The following SOBP variants were observed in gnomAD, a reference collection of about 807,000 sequenced individuals.
SOBP encodes the protein sine oculis-binding protein homolog.
A neutral mutation model predicts 53.6 loss-of-function variants in SOBP; 4 were observed. That is an observed-to-expected ratio of 0.07 (90% CI 0.04 to 0.17). SOBP has a LOEUF of 0.17. SOBP is among the 10% of genes least tolerant of loss of function. The pLI is 1.00. For missense variants in SOBP, 1,088 were observed against 1,204.7 expected (o/e 0.90, Z 1.43); for synonymous variants, 584 against 522.6 (o/e 1.12, Z -1.60).
intron 4 of SOBP, among the ~76,000 whole-genome samples, chr6:107,559,149 C>T (rs1053789439): frequency 7.3e-5 from 11 of 151,624 alleles, no homozygotes; most frequent in Non-Finnish European, 1.5e-5. Flanking sequence ...AAATGAAGAA[C>T]ATTGAAAGGA....
intron 4 of SOBP, among the ~76,000 whole-genome samples, chr6:107,562,565 A>G (rs1306208316): frequency 2.0e-5 from 3 of 152,198 alleles, no homozygotes; most frequent in Admixed American, 1.3e-4. Flanking sequence ...GAGACTTTAA[A>G]TTCATGACCA....
chr6:107,490,791 G>C (rs984917251), intron 1 of SOBP, 79 bp downstream of exon 1: 1 of 1,083,924 alleles, frequency 9.2e-7, no homozygotes, highest in Non-Finnish European at 1.4e-6. Context: ...ATGGATCTGG[G>C]GGGTACCGGG....
Position 107,533,525 on chromosome 6 carries a change from C to G in SOBP, c.488C>G (p.Ser163Cys). Residue 163 changes from serine (S) to cysteine (C), a missense_variant, in exon 4 of 7, where the codon TCC becomes TGC. By Grantham distance (112) the Ser-to-Cys change is moderately radical. This residue lies in a region of SOBP where 55 missense variants were observed against 134.3 expected (regional missense o/e 0.41). Coordinates refer to ENST00000317357, the MANE Select transcript of SOBP (RefSeq NM_018013.4). ...WCQKVGIKRY[S>C]LSMGSEVKSF... ...CAGAAAGTGGGAATCAAGCGCTATT[C>G]CCTGAGTATGGGAAGTGAGGTGAAA... 6.2e-7 allele frequency: 1 copy of G among 1,614,016 alleles called. No individual in the cohort carries two copies.
intron 5 of SOBP, among the ~76,000 whole-genome samples, chr6:107,611,585 CTG>C (rs1312153039): frequency 6.6e-6 from 1 of 152,178 alleles, no homozygotes; most frequent in African/African-American, 2.4e-5. Flanking sequence ...GGAGGACCGG[CTG>C]TATGTGCTGT....
chr6:107,599,212 CTG>C (rs907215750), intron 5 of SOBP, among the ~76,000 whole-genome samples: 6 of 152,078 alleles, frequency 3.9e-5, no homozygotes, highest in Middle Eastern at 3.2e-3. Context: ...GAAAGAATAA[CTG>C]TGTGTGCCAT....
At chr6:107,503,840 C>T (rs766581632) in intron 2 of SOBP, 45 bp downstream of exon 2, 1 of 1,608,624 alleles carries the variant, frequency 6.2e-7, no homozygotes, top group Non-Finnish European at 8.5e-7. Flanking sequence ...GAAGGATTAA[C>T]TATCTCAACC....
intron 6 of SOBP, among the ~76,000 whole-genome samples, chr6:107,645,187 G>A (rs1771501468): frequency 6.6e-6 from 1 of 152,054 alleles, no homozygotes; most frequent in African/African-American, 2.4e-5. Context: ...CCTATGCATA[G>A]CAATAATAAC....
chr6:107,529,516 T>C (rs1783759249), intron 3 of SOBP: 1 of 985,332 alleles, frequency 1.0e-6, no homozygotes, highest in African/African-American at 1.7e-5. Context: ...CCCTCAGTCT[T>C]GGACTCCCAT....
intron 4 of SOBP, among the ~76,000 whole-genome samples, chr6:107,562,976 A>G (rs1784815326): frequency 6.6e-6 from 1 of 152,206 alleles, no homozygotes; most frequent in Non-Finnish European, 1.5e-5. Flanking sequence ...TATATTTTAC[A>G]TATTCATAAT....
In SOBP at chr6:107,635,070, C is replaced by A. The variant is rs756217330; in HGVS notation, c.2226C>A (p.Pro742=). ...GCGCTAAGAGCGCGGAGCCGCCTCCCGAGCAGCCGCCGCCGCCGCCGCCGC... is the reference window on the plus strand; with the variant it reads ...GCGCTAAGAGCGCGGAGCCGCCTCCAGAGCAGCCGCCGCCGCCGCCGCCGC... ...AEGAKSAEPP[P]EQPPPPPPPA... is the part of the protein sequence containing the mutation. Residue 742 remains proline (P), a synonymous_variant, in exon 6 of 7, where the codon CCC becomes CCA. Transcript: ENST00000317357. This position sits in a 1 kb window ranked among gnomAD's most constrained non-coding sequence, Gnocchi z 4.5. 9.0e-6 allele frequency: 14 copies of A among 1,557,196 alleles called. No individual in the cohort carries two copies. Among genetic ancestry groups the A allele is most frequent in the Middle Eastern group, 1.7e-4 (1 of 5,850 alleles).
chr6:107,546,823 G>C (rs1455118210), intron 4 of SOBP, among the ~76,000 whole-genome samples: 1 of 152,172 alleles, frequency 6.6e-6, no homozygotes, highest in Non-Finnish European at 1.5e-5. Context: ...AAGTTGTTTG[G>C]ATTTTCAAAA....
intron 1 of SOBP, among the ~76,000 whole-genome samples, chr6:107,494,122 A>G (rs981061648): frequency 1.3e-5 from 2 of 152,202 alleles, no homozygotes; most frequent in Non-Finnish European, 2.9e-5. Context: ...CTGATTAGAA[A>G]GACTGGTTGT....
At chr6:107,602,984 A>C (rs955795259) in intron 5 of SOBP, among the ~76,000 whole-genome samples, 5 of 147,092 alleles carry the variant, frequency 3.4e-5, no homozygotes, top group Non-Finnish European at 4.5e-5. Context: ...AAAAAAAAAA[A>C]CCCTGCTTCC....
chr6:107,603,307 G>A (rs1032140720), intron 5 of SOBP, among the ~76,000 whole-genome samples: 2 of 152,170 alleles, frequency 1.3e-5, no homozygotes, highest in African/African-American at 4.8e-5. Context: ...GGTGTCAGTG[G>A]CAGAGGCACC....
At chr6:107,517,108 T>A (rs1241664976) in intron 3 of SOBP, among the ~76,000 whole-genome samples, 2 of 152,200 alleles carry the variant, frequency 1.3e-5, no homozygotes, top group African/African-American at 4.8e-5. Context: ...CTCTCAGATA[T>A]CAAGATTTAT....
At chr6:107,642,896 C>G (rs1771392221) in intron 6 of SOBP, among the ~76,000 whole-genome samples, 2 of 152,244 alleles carry the variant, frequency 1.3e-5, no homozygotes, top group Non-Finnish European at 2.9e-5. Flanking sequence ...ATCTTTCCCT[C>G]ATTTGCATGG....
intron 4 of SOBP, among the ~76,000 whole-genome samples, chr6:107,585,902 G>A (rs1452346237): frequency 6.6e-6 from 1 of 152,180 alleles, no homozygotes; most frequent in Non-Finnish European, 1.5e-5. Flanking sequence ...CATTAAAGGA[G>A]GAACAATACA....
intron 6 of SOBP, among the ~76,000 whole-genome samples, chr6:107,643,008 C>A (rs1211757552): frequency 2.0e-5 from 3 of 152,204 alleles, no homozygotes; most frequent in Non-Finnish European, 4.4e-5. Flanking sequence ...TGGCTTAGTT[C>A]TGCAAGTGTT....
chr6:107,585,316 T>C (rs1049333634), intron 4 of SOBP, among the ~76,000 whole-genome samples: 6 of 152,226 alleles, frequency 3.9e-5, no homozygotes, highest in Non-Finnish European at 8.8e-5. Context: ...ATGAAGAATC[T>C]AATATTGTCA....
Sources: allele counts gnomAD v4.1 joint callset (sites outside exome capture counted in the v4.1 genomes callset), GRCh38; gene constraint gnomAD v4.1.1; regional missense constraint gnomAD v4.1.1; non-coding constraint Gnocchi (gnomAD v3.1); transcripts MANE v1.5; gene names NCBI Gene and HGNC (gene_info 2026-07-23, HGNC 2026-07-21).